Variants in DLGAP2 observed in about 807,000 individuals in gnomAD.
The protein encoded by DLGAP2 is disks large-associated protein 2.
Under a neutral mutation model 100.3 loss-of-function variants are expected in DLGAP2, and 26 were observed. That is an observed-to-expected ratio of 0.26 (90% CI 0.19 to 0.36). The LOEUF is 0.36. Ranked by LOEUF, DLGAP2 falls within the 10% of genes least tolerant of loss-of-function variation. The probability of loss-of-function intolerance (pLI) is 1.00; values close to 1 mark genes in which losing one functional copy is unlikely to be tolerated. For synonymous variants in DLGAP2, 886 were observed against 630.1 expected (o/e 1.41, Z -6.08); for missense variants, 1,858 against 1,453.2 (o/e 1.28, Z -4.53).
chr8:782,002 TC>T (rs1256041683), intron 1 of DLGAP2, among the ~76,000 whole-genome samples: 2 of 152,158 alleles, frequency 1.3e-5, no homozygotes, highest in African/African-American at 4.8e-5. Context: ...AACCTGGTGT[TC>T]AATCAACCAG....
chr8:1,202,759 C>T (rs1036487770), intron 2 of DLGAP2, among the ~76,000 whole-genome samples: 4 of 152,180 alleles, frequency 2.6e-5, no homozygotes, highest in Non-Finnish European at 5.9e-5. Context: ...ATCCAGAGGC[C>T]TCAGGCATTC....
intron 3 of DLGAP2, among the ~76,000 whole-genome samples, chr8:1,451,324 A>G (rs1258018340): frequency 6.6e-6 from 1 of 152,110 alleles, no homozygotes; most frequent in African/African-American, 2.4e-5. Context: ...GAGGCAGCCA[A>G]GGCCGGCACC....
intron 7 of DLGAP2, among the ~76,000 whole-genome samples, chr8:1,631,303 G>A (rs1182841016): frequency 6.6e-6 from 1 of 152,070 alleles, no homozygotes; most frequent in Admixed American, 6.5e-5. Context: ...GCTGGGCCCT[G>A]GGTCGGGCTT....
At chr8:1,131,954 A>G (rs1040815733) in intron 2 of DLGAP2, among the ~76,000 whole-genome samples, 2 of 152,180 alleles carry the variant, frequency 1.3e-5, no homozygotes, top group African/African-American at 4.8e-5. Flanking sequence ...ACTGTTATGA[A>G]TTAGAGAGGA....
At chr8:944,922 C>G (rs1436564852) in intron 2 of DLGAP2, among the ~76,000 whole-genome samples, 1 of 152,146 alleles carries the variant, frequency 6.6e-6, no homozygotes, top group Non-Finnish European at 1.5e-5. Flanking sequence ...TGGGTGATAA[C>G]TGATCCATGT....
intron 3 of DLGAP2, among the ~76,000 whole-genome samples, chr8:1,329,960 G>A (rs2142137): frequency 0.16 from 23,899 of 152,252 alleles, 2,156 homozygotes; most frequent in Admixed American, 0.19. Context: ...CTCCCCATCC[G>A]ATTCACTTGC....
At chr8:1,639,840 C>G (rs975616829) in intron 8 of DLGAP2, among the ~76,000 whole-genome samples, 1 of 152,188 alleles carries the variant, frequency 6.6e-6, no homozygotes, top group Admixed American at 6.5e-5. Context: ...TCCAAGCCTC[C>G]TCGTCTGACT....
At chr8:1,332,891 G>T (rs1047981027) in intron 3 of DLGAP2, among the ~76,000 whole-genome samples, 3 of 152,186 alleles carry the variant, frequency 2.0e-5, no homozygotes, top group Non-Finnish European at 2.9e-5. Context: ...AAAGCTCTGG[G>T]TGTGTCTGGG....
At chr8:1,038,801 A>G (rs192326403) in intron 2 of DLGAP2, among the ~76,000 whole-genome samples, 1 of 152,350 alleles carries the variant, frequency 6.6e-6, no homozygotes, top group Admixed American at 6.5e-5. Context: ...CTACGACCCC[A>G]CATTTGCTCA....
chr8:1,381,068 T>G (rs1281413521), intron 3 of DLGAP2: 1 of 151,876 alleles, frequency 6.6e-6, no homozygotes, highest in Middle Eastern at 3.2e-3. Context: ...AAAATTAGAC[T>G]TAAGAGGCCA....
intron 3 of DLGAP2, among the ~76,000 whole-genome samples, chr8:1,319,125 G>C (rs1800837014): frequency 6.6e-6 from 1 of 152,158 alleles, no homozygotes; most frequent in Non-Finnish European, 1.5e-5. Flanking sequence ...GGAGGGCCAA[G>C]CTCAGCTGGG....
chr8:839,520 C>T (rs1465238725), intron 1 of DLGAP2, among the ~76,000 whole-genome samples: 4 of 152,168 alleles, frequency 2.6e-5, no homozygotes, highest in Non-Finnish European at 5.9e-5. Context: ...GAATCTAAAA[C>T]ATTGAGCTCA....
chr8:990,207 A>G (rs1192149361), intron 2 of DLGAP2, among the ~76,000 whole-genome samples: 1 of 151,834 alleles, frequency 6.6e-6, no homozygotes, highest in African/African-American at 2.4e-5. Context: ...AGTATTCCCA[A>G]CTTTTCACCT....
At chr8:796,276 G>C (rs1026379532) in intron 1 of DLGAP2, among the ~76,000 whole-genome samples, 2 of 152,180 alleles carry the variant, frequency 1.3e-5, no homozygotes, top group African/African-American at 4.8e-5. Flanking sequence ...CTGGTCCCGG[G>C]ATCCCGCTTG....
At chr8:1,339,813 C>T (rs964720381) in intron 3 of DLGAP2, among the ~76,000 whole-genome samples, 2 of 152,112 alleles carry the variant, frequency 1.3e-5, no homozygotes, top group African/African-American at 4.8e-5. Flanking sequence ...CTCAGCACTG[C>T]TGGAAGGAAT....
chr8:1,519,598 G>A lies in DLGAP2; in HGVS notation c.172+18167G>A, dbSNP rs150098072. Among the ~76,000 whole-genome samples, 375 of 152,342 alleles carry A rather than the reference G, an allele frequency of 2.5e-3. 1 individual carries two copies. The highest frequency in any genetic ancestry group is 8.4e-3 in the African/African-American group (349 of 41,588). ...TAACGGTTCTGACGACCCTGAGCCT[G>A]GCTCTCCCCATGCACCTTCCCCATG... On this transcript the variant is annotated intron_variant, in intron 4 of 14. Transcript: ENST00000637795.
chr8:914,583 A>C (rs1003482867), intron 2 of DLGAP2, among the ~76,000 whole-genome samples: 1 of 152,238 alleles, frequency 6.6e-6, no homozygotes, highest in Non-Finnish European at 1.5e-5. Context: ...TAAATGAAGC[A>C]GGGTCAGCCC....
chr8:1,198,322 A>G (rs1009003302), intron 2 of DLGAP2, among the ~76,000 whole-genome samples: 3 of 152,118 alleles, frequency 2.0e-5, no homozygotes, highest in African/African-American at 7.2e-5. Flanking sequence ...AAACCTCCCT[A>G]TTGTTTTGAA....
chr8:924,096 A>G (rs1430640704), intron 2 of DLGAP2, among the ~76,000 whole-genome samples: 2 of 152,200 alleles, frequency 1.3e-5, no homozygotes, highest in South Asian at 2.1e-4. Flanking sequence ...TGAGAAGTGC[A>G]CGTTTGGAGG....
Sources: allele counts gnomAD v4.1 joint callset (sites outside exome capture counted in the v4.1 genomes callset), GRCh38; gene constraint gnomAD v4.1.1; transcripts MANE v1.5; gene names NCBI Gene and HGNC (gene_info 2026-07-23, HGNC 2026-07-21).